RTKN2: variants seen among roughly 807,000 people sequenced by gnomAD.
RTKN2 encodes the protein rhotekin-2.
In RTKN2, 69 loss-of-function variants were observed where a neutral mutation model predicts 71.5. That is an observed-to-expected ratio of 0.96 (90% confidence interval 0.79 to 1.18). The LOEUF (loss-of-function observed/expected upper bound fraction) is 1.18, where lower values mean the gene tolerates loss of function less well. RTKN2 is among the 50% of genes most tolerant of loss of function. RTKN2 has a pLI of 0.00. For missense variants in RTKN2, 724 were observed against 719.7 expected (o/e 1.01, Z -0.07); for synonymous variants, 236 against 236.5 (o/e 1.00, Z 0.02).
rs1842205920 is a variant in RTKN2, at chr10:62,234,076, G to A, written c.686+1990C>T. Among the ~76,000 whole-genome samples, 4 of 152,110 alleles carry A rather than the reference G, an allele frequency of 2.6e-5. 1 individual carries two copies. The South Asian group carries it at 8.3e-4, about 32-fold the overall frequency. The stretch of plus-strand genomic sequence containing the variant: ...CCAAGTCTTGGCAGAAAAATACAAG[G>A]TGAAAGGGGAACATCTTACTGTGTC... On this transcript the variant is annotated intron_variant, in intron 6 of 11. Transcript: ENST00000373789.
At chr10:62,243,319 G>C (rs1433785236) in intron 3 of RTKN2, among the ~76,000 whole-genome samples, 1 of 151,850 alleles carries the variant, frequency 6.6e-6, no homozygotes, top group East Asian at 1.9e-4. Context: ...TTTTGTTTTT[G>C]ATTTTTATGA....
At chr10:62,239,490 C>T in intron 5 of RTKN2, 158 bp downstream of exon 5, 1 of 451,622 alleles carries the variant, frequency 2.2e-6, no homozygotes, top group Non-Finnish European at 3.9e-6. Flanking sequence ...AAATGGACTT[C>T]TTCTGAACAA....
chr10:62,209,514 AGGTAAACTTGTGTCATG>A (rs1841616965), intron 9 of RTKN2, among the ~76,000 whole-genome samples: 1 of 152,100 alleles, frequency 6.6e-6, no homozygotes, highest in South Asian at 2.1e-4. Context: ...TTTGTTACAT[AGGTAAACTTGTGTCATG>A]GGGGTCTACT....
intron 7 of RTKN2, among the ~76,000 whole-genome samples, chr10:62,222,064 G>C (rs967941728): frequency 6.6e-6 from 1 of 152,122 alleles, no homozygotes; most frequent in African/African-American, 2.4e-5. Context: ...CATATGTACA[G>C]CTAGGGTAAC....
intron 2 of RTKN2, among the ~76,000 whole-genome samples, chr10:62,262,402 T>C (rs1842789506): frequency 6.6e-6 from 1 of 152,210 alleles, no homozygotes; most frequent in Non-Finnish European, 1.5e-5. Context: ...ATAATTTTCA[T>C]TTTATAATTA....
intron 2 of RTKN2, among the ~76,000 whole-genome samples, chr10:62,256,890 G>A (rs1842685956): frequency 6.6e-6 from 1 of 151,936 alleles, no homozygotes. Flanking sequence ...ATGACAATCT[G>A]GAACATGATG....
At chr10:62,257,568 T>G (rs1842698169) in intron 2 of RTKN2, among the ~76,000 whole-genome samples, 1 of 152,184 alleles carries the variant, frequency 6.6e-6, no homozygotes, top group Admixed American at 6.5e-5. Context: ...AAGAACTATT[T>G]TCGGGATACC....
chr10:62,258,464 C>G (rs182966089), intron 2 of RTKN2, among the ~76,000 whole-genome samples: 1 of 152,174 alleles, frequency 6.6e-6, no homozygotes, highest in Admixed American at 6.5e-5. Flanking sequence ...CCTCATTTCT[C>G]TAATAAAAGC....
intron 2 of RTKN2, among the ~76,000 whole-genome samples, chr10:62,252,327 G>A (rs1842596748): frequency 6.6e-6 from 1 of 152,006 alleles, no homozygotes; most frequent in African/African-American, 2.4e-5. Flanking sequence ...GAATGTGTTG[G>A]CTAAGGAATT....
At chr10:62,204,400 C>T (rs1187704571) in intron 10 of RTKN2, among the ~76,000 whole-genome samples, 1 of 152,102 alleles carries the variant, frequency 6.6e-6, no homozygotes, top group African/African-American at 2.4e-5. Flanking sequence ...AAAAAGAAAC[C>T]TGTCTGGATG....
intron 9 of RTKN2, among the ~76,000 whole-genome samples, chr10:62,209,935 T>C (rs1025382895): frequency 1.8e-4 from 27 of 152,316 alleles, no homozygotes; most frequent in African/African-American, 6.5e-4. Context: ...TATGTGTGCA[T>C]GTGTCTTTAT....
intron 1 of RTKN2, among the ~76,000 whole-genome samples, chr10:62,265,547 T>C (rs970359866): frequency 1.3e-5 from 2 of 150,870 alleles, no homozygotes; most frequent in Admixed American, 6.6e-5. Context: ...TAAGTGTACA[T>C]ATGGTTTTCA....
intron 1 of RTKN2, 129 bp from the exon 2 acceptor site, chr10:62,262,950 T>G (rs954987141): frequency 9.2e-6 from 5 of 545,832 alleles, no homozygotes; most frequent in Admixed American, 3.4e-5. Flanking sequence ...ATATATGTAG[T>G]GTAAAAATAG....
At chr10:62,199,563 A>G (rs544979378) in intron 11 of RTKN2, among the ~76,000 whole-genome samples, 191 bp downstream of exon 11, 238 of 152,270 alleles carry the variant, frequency 1.6e-3, no homozygotes, top group Non-Finnish European at 2.3e-3. Flanking sequence ...CTATGAAAAA[A>G]CGTGTATTCA....
intron 7 of RTKN2, among the ~76,000 whole-genome samples, chr10:62,222,088 G>A (rs4979775): frequency 0.76 from 115,025 of 151,596 alleles, 43,714 homozygotes; most frequent in East Asian, 0.9. Flanking sequence ...GGGAAAGGAG[G>A]GGTAGTAACG....
chr10:62,214,527 T>C (rs984542085), intron 9 of RTKN2, among the ~76,000 whole-genome samples: 2 of 152,148 alleles, frequency 1.3e-5, no homozygotes, highest in Non-Finnish European at 2.9e-5. Flanking sequence ...CAAGGAAAAG[T>C]AAATCAATTA....
chr10:62,260,953 C>T (rs1221724397), intron 2 of RTKN2, among the ~76,000 whole-genome samples: 2 of 152,146 alleles, frequency 1.3e-5, no homozygotes, highest in African/African-American at 2.4e-5. Flanking sequence ...GAACATATAT[C>T]CCCTATCCCC....
At chr10:62,221,709 G>C (rs1396448397) in intron 7 of RTKN2, among the ~76,000 whole-genome samples, 1 of 152,034 alleles carries the variant, frequency 6.6e-6, no homozygotes, top group Admixed American at 6.6e-5. Context: ...GTAATATGAA[G>C]TATATAGACT....
intron 6 of RTKN2, among the ~76,000 whole-genome samples, chr10:62,224,280 A>G (rs1422051537): frequency 6.6e-6 from 1 of 152,126 alleles, no homozygotes; most frequent in African/African-American, 2.4e-5. Flanking sequence ...ATGCTTGTAC[A>G]ACATGAATGT....
Sources: allele counts gnomAD v4.1 joint callset (sites outside exome capture counted in the v4.1 genomes callset), GRCh38; gene constraint gnomAD v4.1.1; transcripts MANE v1.5; gene names NCBI Gene and HGNC (gene_info 2026-07-23, HGNC 2026-07-21).